IQCE: variants seen among roughly 807,000 people sequenced by gnomAD.
IQCE encodes the protein IQ motif containing E, also known as IQ domain-containing protein E.
A neutral mutation model predicts 96.0 loss-of-function variants in IQCE; 115 were observed. The ratio of observed to expected loss-of-function variants is 1.20; its 90% confidence interval spans 1.03 to 1.40. The LOEUF (loss-of-function observed/expected upper bound fraction) is 1.40, where lower values mean the gene tolerates loss of function less well. Ranked by LOEUF, IQCE falls within the 40% of genes most tolerant of loss-of-function variation. The probability of loss-of-function intolerance (pLI) is 0.00; values close to 1 mark genes in which losing one functional copy is unlikely to be tolerated. For synonymous variants in IQCE, 412 were observed against 371.2 expected (o/e 1.11, Z -1.26); for missense variants, 1,041 against 909.1 (o/e 1.15, Z -1.87).
At chr7:2,595,534 T>C (rs964845169) in intron 16 of IQCE, among the ~76,000 whole-genome samples, 1 of 152,170 alleles carries the variant, frequency 6.6e-6, no homozygotes, top group African/African-American at 2.4e-5. Context: ...CTCCTGCCTC[T>C]CCACTCCCTC....
intron 10 of IQCE, 119 bp downstream of exon 10, chr7:2,583,828 G>A (rs1307255371): frequency 9.4e-6 from 1 of 106,516 alleles, no homozygotes; most frequent in Non-Finnish European, 1.9e-5. Context: ...CGGCGGGGCG[G>A]GCACCGAGCT....
chr7:2,577,480 A>G (rs1450455308), intron 6 of IQCE, among the ~76,000 whole-genome samples: 39 of 82,140 alleles, frequency 4.7e-4, no homozygotes, highest in Middle Eastern at 0.016. Context: ...TGTGCGGCGT[A>G]TACGCATTGG....
chr7:2,600,239 T>C (rs1241384762), intron 17 of IQCE, among the ~76,000 whole-genome samples: 1 of 152,174 alleles, frequency 6.6e-6, no homozygotes, highest in African/African-American at 2.4e-5. Flanking sequence ...AGAAATAAGG[T>C]CTCCAGCTCT....
intron 15 of IQCE, 70 bp from the exon 16 acceptor site, chr7:2,594,816 C>A: frequency 8.9e-7 from 1 of 1,122,886 alleles, no homozygotes; most frequent in Admixed American, 1.7e-5. Context: ...GCCCGCCCCA[C>A]CCTGCCCTGT....
intron 6 of IQCE, among the ~76,000 whole-genome samples, chr7:2,574,512 A>G (rs1204637287): frequency 6.6e-6 from 1 of 152,240 alleles, no homozygotes; most frequent in Non-Finnish European, 1.5e-5. Context: ...CACCCTGGCC[A>G]TGGAGATTTT....
chr7:2,575,042 C>T (rs561351632), intron 6 of IQCE, among the ~76,000 whole-genome samples: 3 of 152,336 alleles, frequency 2.0e-5, no homozygotes, highest in Non-Finnish European at 4.4e-5. Context: ...AAGTCTGTGG[C>T]GGGATTCCAA....
chr7:2,561,333 A>G (rs925880719), intron 1 of IQCE, among the ~76,000 whole-genome samples: 4 of 152,118 alleles, frequency 2.6e-5, no homozygotes, highest in Non-Finnish European at 4.4e-5. Context: ...TGTTAAATTT[A>G]TTCCTAAGTA....
At chr7:2,569,116 TG>T in intron 3 of IQCE, 117 bp downstream of exon 3, 1 of 962,724 alleles carries the variant, frequency 1.0e-6, no homozygotes, top group Middle Eastern at 2.8e-4. Context: ...CTCAGCCAGT[TG>T]GCCCCATTCC....
intron 19 of IQCE, among the ~76,000 whole-genome samples, 175 bp downstream of exon 19, chr7:2,605,166 C>G (rs1056346401): frequency 6.6e-6 from 1 of 152,200 alleles, no homozygotes; most frequent in Non-Finnish European, 1.5e-5. Context: ...CTGCGCAGGC[C>G]CCTCTGCACA....
rs767024644 is a variant in IQCE, at chr7:2,604,970, C to A, written c.1722C>A (p.Ser574Arg). 1 of 1,613,022 alleles carries A rather than the reference C, an allele frequency of 6.2e-7. No individual in the cohort carries two copies. The highest frequency in any genetic ancestry group is 1.3e-5 in the African/African-American group (1 of 74,932). The stretch of plus-strand genomic sequence containing the variant: ...AAGCACATGGCTCAGAGCCACCCAG[C>A]GTGCCAGGCCTCCCAGACCAGGTAA... The part of the protein sequence containing the change: ...ASKAHGSEPP[S>R]VPGLPDQSSP... Residue 574 changes from serine (S) to arginine (R), a missense_variant, in exon 19 of 22, where the codon AGC becomes AGA. Physicochemically the swap from Ser to Arg is moderately radical, Grantham distance 110. Coordinates refer to ENST00000402050, the MANE Select transcript of IQCE (RefSeq NM_152558.5).
In IQCE at chr7:2,607,385, G is replaced by A. The variant is rs779057581; in HGVS notation, c.1969+158G>A. The A allele has an allele frequency of 2.9e-6, 4 of 1,386,986 alleles. No individual in the cohort carries two copies. In the East Asian group the frequency reaches 1.2e-4, roughly 40 times the overall value. The allele number at this position is 1,386,986 out of a possible 1,614,324, so 85.9% of individuals were successfully genotyped here. A position where few individuals can be genotyped will look rare whatever the true frequency, so the allele number is the denominator to read the frequency against. ...TGAACTAAGCGTCGCCTTATGCCAG[G>A]AAGGCCCACAACAGGGCCCCGCCTT... On this transcript the variant is annotated intron_variant, in intron 21 of 21. Coordinates refer to ENST00000402050, the MANE Select transcript of IQCE (RefSeq NM_152558.5).
At position 2,614,083 on chromosome 7, in the gene IQCE, A is replaced by AT. The variant is rs1785205497; in HGVS notation, c.*3922dup. 1 of 152,234 alleles carries AT rather than the reference A, an allele frequency of 6.6e-6. No homozygotes were observed. Among genetic ancestry groups the AT allele is most frequent in the South Asian group, 2.1e-4 (1 of 4,828 alleles). The allele number at this position is 152,234 out of a possible 1,614,324, so 9.4% of individuals were successfully genotyped here. On this transcript the variant is annotated 3_prime_UTR_variant, in exon 22 of 22. Transcript: ENST00000402050. ...TGTCTCCTGACGAGACGTGAGGACCATGCCCTTGATCCCTCCGATGGACCA... is the reference window on the plus strand; with the variant it reads ...TGTCTCCTGACGAGACGTGAGGACCATTGCCCTTGATCCCTCCGATGGACCA...
chr7:2,609,600 G>A (rs1785019937), intron 21 of IQCE, among the ~76,000 whole-genome samples: 1 of 152,264 alleles, frequency 6.6e-6, no homozygotes, highest in South Asian at 2.1e-4. Context: ...TGGGGGAAAT[G>A]GTGAGAATAC....
At chr7:2,594,438 T>A (rs1783859220) in intron 15 of IQCE, among the ~76,000 whole-genome samples, 1 of 152,366 alleles carries the variant, frequency 6.6e-6, no homozygotes, top group East Asian at 1.9e-4. Context: ...TCATACTGTT[T>A]ACTAAAACCC....
At chr7:2,565,828 A>T (rs1484900379) in intron 1 of IQCE, among the ~76,000 whole-genome samples, 3 of 152,204 alleles carry the variant, frequency 2.0e-5, no homozygotes, top group South Asian at 4.1e-4. Context: ...TCAATGGCTG[A>T]TTTTTTTAAA....
chr7:2,610,065 A>C lies in IQCE; in HGVS notation c.1991A>C (p.Gln664Pro). The C allele has an allele frequency of 1.2e-6, 2 of 1,606,042 alleles. No homozygotes were observed. Among genetic ancestry groups the C allele is most frequent in the Non-Finnish European group, 1.7e-6 (2 of 1,172,696 alleles). The change falls in exon 22 of 22, where the codon CAG (glutamine) becomes CCG (proline). Residue 664 changes from glutamine (Q) to proline (P), a missense_variant. Gln to Pro is a moderately conservative substitution (Grantham distance 76). Transcript: ENST00000402050. ...ALPDPSPSGP[Q>P]ALAPLPGDDV... ...GCAGACCCCTCTCCCTCAGGGCCACAGGCCTTGGCACCTCTACCTGGGGAT... is the reference window on the plus strand; with the variant it reads ...GCAGACCCCTCTCCCTCAGGGCCACCGGCCTTGGCACCTCTACCTGGGGAT...
At chr7:2,562,593 CTTTTT>C (rs34651630) in intron 1 of IQCE, among the ~76,000 whole-genome samples, 2 of 142,354 alleles carry the variant, frequency 1.4e-5, no homozygotes, top group African/African-American at 5.1e-5. Context: ...GTGAGGCCCC[CTTTTT>C]TTTTTTTTCC....
chr7:2,598,590 G>T lies in IQCE; in HGVS notation c.1566G>T (p.Ala522=). The part of the protein sequence containing the change: ...SPCSDGRRDA[A]ARVLQAQWKV... ...GCTCTGATGGGAGAAGAGACGCCGCGGCCAGAGTCCTGCAGGCCCAGTGGA... is the reference window on the plus strand; with the variant it reads ...GCTCTGATGGGAGAAGAGACGCCGCTGCCAGAGTCCTGCAGGCCCAGTGGA... The change falls in exon 17 of 22, where the codon GCG becomes GCT. Residue 522 remains alanine (A), a synonymous_variant. Transcript: ENST00000402050. The T allele has an allele frequency of 1.9e-6, 3 of 1,600,956 alleles. No individual in the cohort carries two copies. Among genetic ancestry groups the T allele is most frequent in the Non-Finnish European group, 2.6e-6 (3 of 1,174,184 alleles).
Position 2,598,463 on chromosome 7 carries a change from A to G in IQCE, c.1441-2A>G. On this transcript the variant is annotated splice_acceptor_variant, in intron 16 of 21. Transcript: ENST00000402050. LOFTEE classifies it high-confidence loss of function. ...TCCTCTTACTCCTTCAATTTCCTGC[A>G]GGCCCAAGAGCTCCCAGCTCCCACT... is the stretch of plus-strand genomic sequence containing the variant. 2 of 1,563,996 alleles carry G rather than the reference A, an allele frequency of 1.3e-6. No individual in the cohort carries two copies. The highest frequency in any genetic ancestry group is 1.2e-5 in the South Asian group (1 of 84,654).
Sources: allele counts gnomAD v4.1 joint callset (sites outside exome capture counted in the v4.1 genomes callset), GRCh38; gene constraint gnomAD v4.1.1; transcripts MANE v1.5; gene names NCBI Gene and HGNC (gene_info 2026-07-23, HGNC 2026-07-21).